Variants in ARHGAP5 observed in about 807,000 individuals in gnomAD.
ARHGAP5 encodes the protein Rho GTPase activating protein 5.
A neutral mutation model predicts 116.6 loss-of-function variants in ARHGAP5; 23 were observed. That is an observed-to-expected ratio of 0.20 (90% CI 0.14 to 0.28). The LOEUF (loss-of-function observed/expected upper bound fraction) is 0.28. Ranked by LOEUF, ARHGAP5 falls within the 10% of genes least tolerant of loss-of-function variation. The pLI is 1.00. For synonymous variants in ARHGAP5, 574 were observed against 602.0 expected (o/e 0.95, Z 0.68); for missense variants, 1,405 against 1,774.8 (o/e 0.79, Z 3.74).
At chr14:32,096,623 A>T (rs1474088969) in intron 2 of ARHGAP5, among the ~76,000 whole-genome samples, 3 of 152,242 alleles carry the variant, frequency 2.0e-5, no homozygotes, top group African/African-American at 7.2e-5. Context: ...CTAAACAAAT[A>T]TGCTTCAAAT....
chr14:32,143,242 A>C (rs11272854), intron 3 of ARHGAP5, among the ~76,000 whole-genome samples: 1 of 112,458 alleles, frequency 8.9e-6, no homozygotes, highest in African/African-American at 3.3e-5. Context: ...TGTTGTTGTT[A>C]TTATTATTAT....
At position 32,156,690 on chromosome 14, in the gene ARHGAP5, T is replaced by C. The variant is rs548682634; in HGVS notation, c.*1742T>C. 1.1e-3 allele frequency: 175 copies of C among 152,522 alleles called. No homozygotes were observed. Among genetic ancestry groups the C allele is most frequent in the African/African-American group, 4.0e-3 (165 of 41,556 alleles). The allele number at this position is 152,522 out of a possible 1,614,324, so 9.4% of individuals were successfully genotyped here. ...CCTGTTCTATATTACTTATACCTAT[T>C]GTCTATATAGCTTTAATTTATAGTT... On this transcript the variant is annotated 3_prime_UTR_variant, in exon 7 of 7. Coordinates refer to ENST00000345122, the MANE Select transcript of ARHGAP5 (RefSeq NM_001030055.2).
intron 1 of ARHGAP5, 96 bp downstream of exon 1, chr14:32,077,531 GGTTGTAACCAGTT>G (rs1353801286): frequency 1.6e-6 from 1 of 629,926 alleles, no homozygotes; most frequent in Non-Finnish European, 2.9e-6. Flanking sequence ...CGCCGCTGCC[GGTTGTAACCAGTT>G]GAAGGGGCTG....
chr14:32,089,720 T>G (rs748782004), intron 1 of ARHGAP5, among the ~76,000 whole-genome samples: 1 of 151,994 alleles, frequency 6.6e-6, no homozygotes, highest in Admixed American at 6.6e-5. Flanking sequence ...TAAGAGCGTT[T>G]AGGAACAGTT....
At chr14:32,148,800 AT>A (rs921713937) in intron 4 of ARHGAP5, among the ~76,000 whole-genome samples, 1 of 151,826 alleles carries the variant, frequency 6.6e-6, no homozygotes, top group African/African-American at 2.4e-5. Flanking sequence ...TGATGGGGAA[AT>A]TTTTTTTCTT....
intron 1 of ARHGAP5, among the ~76,000 whole-genome samples, chr14:32,087,908 G>A (rs2041845961): frequency 6.6e-6 from 1 of 151,918 alleles, no homozygotes; most frequent in Non-Finnish European, 1.5e-5. Flanking sequence ...TTTTATTTCT[G>A]TCAAAAAGCT....
intron 1 of ARHGAP5, among the ~76,000 whole-genome samples, chr14:32,078,498 A>G (rs1192690061): frequency 6.6e-6 from 1 of 152,002 alleles, no homozygotes; most frequent in Non-Finnish European, 1.5e-5. Flanking sequence ...TCGATCATTT[A>G]TTTTTTCCTT....
intron 1 of ARHGAP5, among the ~76,000 whole-genome samples, chr14:32,083,108 A>C (rs2041794825): frequency 6.6e-6 from 1 of 152,232 alleles, no homozygotes; most frequent in Admixed American, 6.5e-5. Flanking sequence ...TTTACAATCC[A>C]AATCTCGTCT....
intron 3 of ARHGAP5, among the ~76,000 whole-genome samples, chr14:32,135,088 G>C (rs1228095860): frequency 6.6e-6 from 1 of 152,196 alleles, no homozygotes; most frequent in East Asian, 1.9e-4. Flanking sequence ...TTACAGGGAA[G>C]ACTCAGTATA....
At chr14:32,084,221 G>T (rs753770944) in intron 1 of ARHGAP5, among the ~76,000 whole-genome samples, 1 of 152,152 alleles carries the variant, frequency 6.6e-6, no homozygotes, top group Non-Finnish European at 1.5e-5. Context: ...AATATCAGAA[G>T]ATAAAAATGG....
At chr14:32,147,028 C>T (rs559628453) in intron 4 of ARHGAP5, among the ~76,000 whole-genome samples, 1 of 152,092 alleles carries the variant, frequency 6.6e-6, no homozygotes, top group Admixed American at 6.5e-5. Flanking sequence ...ATAAATCCAT[C>T]ACCAGATTTA....
intron 4 of ARHGAP5, among the ~76,000 whole-genome samples, chr14:32,147,892 C>T (rs1348821870): frequency 6.6e-6 from 1 of 152,188 alleles, no homozygotes; most frequent in Non-Finnish European, 1.5e-5. Flanking sequence ...GTGGCTCACC[C>T]CTGTAATCCT....
chr14:32,078,996 C>T (rs975634796), intron 1 of ARHGAP5, among the ~76,000 whole-genome samples: 2 of 152,066 alleles, frequency 1.3e-5, no homozygotes, highest in African/African-American at 4.8e-5. Context: ...TTTCATCTAT[C>T]CTTTGTATAC....
At chr14:32,105,823 A>G (rs1878991312) in intron 2 of ARHGAP5, among the ~76,000 whole-genome samples, 1 of 151,994 alleles carries the variant, frequency 6.6e-6, no homozygotes, top group South Asian at 2.1e-4. Flanking sequence ...TCTGTTTTTC[A>G]TTTCTATAAT....
chr14:32,087,155 G>A (rs1016655224), intron 1 of ARHGAP5, among the ~76,000 whole-genome samples: 1 of 151,674 alleles, frequency 6.6e-6, no homozygotes, highest in African/African-American at 2.4e-5. Flanking sequence ...AAGACACTGG[G>A]CATTAGTTTA....
At chr14:32,112,627 C>T (rs1261154984) in intron 2 of ARHGAP5, among the ~76,000 whole-genome samples, 1 of 152,194 alleles carries the variant, frequency 6.6e-6, no homozygotes, top group African/African-American at 2.4e-5. Context: ...AATCCCAGCA[C>T]TTTGGGAGGC....
chr14:32,130,642 A>G (rs1880438155), intron 3 of ARHGAP5, among the ~76,000 whole-genome samples: 1 of 151,762 alleles, frequency 6.6e-6, no homozygotes, highest in African/African-American at 2.4e-5. Flanking sequence ...CTGGGTTCAA[A>G]CGATTCTCCT....
At chr14:32,078,158 G>C (rs888104453) in intron 1 of ARHGAP5, 3 of 152,126 alleles carry the variant, frequency 2.0e-5, no homozygotes, top group Non-Finnish European at 2.9e-5. Flanking sequence ...GTATCGGGGT[G>C]GGGGTGGGGA....
chr14:32,107,121 A>C (rs1289103958), intron 2 of ARHGAP5, among the ~76,000 whole-genome samples: 3 of 152,196 alleles, frequency 2.0e-5, no homozygotes, highest in African/African-American at 7.2e-5. Context: ...CAAGGGCCTT[A>C]AATTCCACTG....
Sources: gnomAD v4.1 joint callset for allele counts (sites outside exome capture counted in the v4.1 genomes callset) on GRCh38, gnomAD v4.1.1 for gene constraint, MANE v1.5 for transcripts, NCBI Gene and HGNC (gene_info 2026-07-23, HGNC 2026-07-21) for gene names.